CNNM2: variants seen among roughly 807,000 people sequenced by gnomAD.
CNNM2 encodes the protein metal transporter CNNM2.
Under a neutral mutation model 66.9 loss-of-function variants are expected in CNNM2, and 12 were observed. The observed-to-expected ratio is 0.18, with a 90% CI of 0.11 to 0.29. The LOEUF is 0.29. Ranked by LOEUF, CNNM2 falls within the 10% of genes least tolerant of loss-of-function variation. CNNM2 has a pLI of 1.00. For missense variants in CNNM2, 705 were observed against 1,167.7 expected (o/e 0.60, Z 5.77); for synonymous variants, 557 against 501.8 (o/e 1.11, Z -1.47).
chr10:103,070,896 C>T (rs1437396563), intron 5 of CNNM2, among the ~76,000 whole-genome samples: 3 of 152,152 alleles, frequency 2.0e-5, no homozygotes, highest in Non-Finnish European at 4.4e-5. Context: ...CGCCACTGTA[C>T]TCCAGCCCAG....
chr10:103,015,967 A>G (rs1255089272), intron 1 of CNNM2, among the ~76,000 whole-genome samples: 2 of 152,154 alleles, frequency 1.3e-5, no homozygotes, highest in Non-Finnish European at 2.9e-5. Flanking sequence ...TTTAATCTCT[A>G]CTTGCCCCCT....
At chr10:102,969,297 T>G (rs1045735171) in intron 1 of CNNM2, among the ~76,000 whole-genome samples, 14 of 152,044 alleles carry the variant, frequency 9.2e-5, no homozygotes, top group African/African-American at 2.9e-4. Context: ...CACTGAAATC[T>G]CCGCCTCTGG....
Position 103,077,564 on chromosome 10 carries a change from G to A in CNNM2, c.*384G>A. ...ATGTTTTTAAAGTGTCTTTTGCAGA[G>A]TTTTAAGTTGTTCTGTCTGAACTCT... On this transcript the variant is annotated 3_prime_UTR_variant, in exon 8 of 8. Coordinates refer to ENST00000369878, the MANE Select transcript of CNNM2 (RefSeq NM_017649.5). The A allele has an allele frequency of 4.4e-6, 1 of 226,276 alleles. No individual in the cohort carries two copies. Among genetic ancestry groups the A allele is most frequent in the South Asian group, 7.3e-5 (1 of 13,678 alleles). The allele number at this position is 226,276 out of a possible 1,614,324, so 14.0% of individuals were successfully genotyped here. A position where few individuals can be genotyped will look rare whatever the true frequency, so the allele number is the denominator to read the frequency against.
chr10:103,012,101 C>T (rs2064354711), intron 1 of CNNM2, among the ~76,000 whole-genome samples: 1 of 152,152 alleles, frequency 6.6e-6, no homozygotes, highest in Non-Finnish European at 1.5e-5. Context: ...GTATATCCTT[C>T]CAGAAATACA....
At chr10:103,030,690 A>C (rs984666546) in intron 1 of CNNM2, among the ~76,000 whole-genome samples, 2 of 152,218 alleles carry the variant, frequency 1.3e-5, no homozygotes, top group Non-Finnish European at 2.9e-5. Flanking sequence ...CCTGGGCAAC[A>C]GAGTGAGGCT....
At chr10:103,011,882 G>A (rs879851929) in intron 1 of CNNM2, among the ~76,000 whole-genome samples, 1 of 151,618 alleles carries the variant, frequency 6.6e-6, no homozygotes, top group Non-Finnish European at 1.5e-5. Context: ...TAGTAGAGAC[G>A]GGGTTTCACC....
chr10:102,988,144 C>CA (rs1244825794), intron 1 of CNNM2, among the ~76,000 whole-genome samples: 2 of 151,742 alleles, frequency 1.3e-5, no homozygotes, highest in South Asian at 2.1e-4. Context: ...ATTAAAAATA[C>CA]AAAAAAACTT....
chr10:103,016,443 G>A (rs1220700376), intron 1 of CNNM2, among the ~76,000 whole-genome samples: 2 of 152,130 alleles, frequency 1.3e-5, no homozygotes, highest in Non-Finnish European at 2.9e-5. Context: ...TAGGCACAGA[G>A]GAGACGGCAG....
chr10:103,082,844 G>A lies in CNNM2; in HGVS notation c.*5664G>A, dbSNP rs1319201228. 6.6e-6 allele frequency: 1 copy of A among 152,256 alleles called. No homozygotes were observed. The highest frequency in any genetic ancestry group is 1.9e-4 in the East Asian group (1 of 5,198). 9.4% of individuals were successfully genotyped at this position (152,256 alleles called of 1,614,324 possible). Reference sequence around the variant, plus strand: ...GAAATATTTCCAAGGTGGTTTCTTGGTGACAGGCTCTCTTCCCCTATGTAG... The same window carrying A: ...GAAATATTTCCAAGGTGGTTTCTTGATGACAGGCTCTCTTCCCCTATGTAG... On this transcript the variant is annotated 3_prime_UTR_variant, in exon 8 of 8. Coordinates refer to ENST00000369878, the MANE Select transcript of CNNM2 (RefSeq NM_017649.5).
intron 1 of CNNM2, among the ~76,000 whole-genome samples, chr10:103,003,016 T>G (rs2064151876): frequency 6.6e-6 from 1 of 152,178 alleles, no homozygotes; most frequent in Admixed American, 6.5e-5. Context: ...TGTTCATCAT[T>G]TGGTAAATGG....
At chr10:102,932,658 C>T (rs967472698) in intron 1 of CNNM2, among the ~76,000 whole-genome samples, 2 of 152,132 alleles carry the variant, frequency 1.3e-5, no homozygotes, top group Admixed American at 6.6e-5. Flanking sequence ...TGGCTCACGC[C>T]TGTAATCCCG....
intron 1 of CNNM2, among the ~76,000 whole-genome samples, chr10:103,005,284 G>T (rs1291709834): frequency 6.6e-6 from 1 of 152,092 alleles, no homozygotes; most frequent in African/African-American, 2.4e-5. Context: ...TTAAGTATAT[G>T]ATTCGTTGAT....
intron 5 of CNNM2, among the ~76,000 whole-genome samples, chr10:103,069,971 C>T (rs886854791): frequency 3.7e-4 from 57 of 152,220 alleles, no homozygotes; most frequent in Non-Finnish European, 1.5e-4. Flanking sequence ...ACTGCTCCAC[C>T]CAGTAGTCTG....
intron 1 of CNNM2, among the ~76,000 whole-genome samples, chr10:102,923,326 G>C (rs1446865547): frequency 6.6e-6 from 1 of 152,180 alleles, no homozygotes; most frequent in Non-Finnish European, 1.5e-5. Context: ...ACAGGGGCTG[G>C]GGCTTTATAT....
At chr10:103,012,939 TAGAA>T (rs2064373728) in intron 1 of CNNM2, among the ~76,000 whole-genome samples, 2 of 152,286 alleles carry the variant, frequency 1.3e-5, no homozygotes, top group South Asian at 2.1e-4. Context: ...GCTTCAAACA[TAGAA>T]AGAAGTACCA....
chr10:103,089,918 AAAAAGCT>A lies in CNNM2; in HGVS notation c.*12740_*12746del, dbSNP rs1401409986. 6.4e-7 allele frequency: 1 copy of A among 1,574,246 alleles called. No homozygotes were observed. The highest frequency in any genetic ancestry group is 1.9e-5 in the Admixed American group (1 of 53,948). ...TTGATTCATGAGGCATCTAGACAGAAAAAAGCTAGAGGCTCAGAAAGCAGGCAGAGCA... is the reference window on the plus strand; with the variant it reads ...TTGATTCATGAGGCATCTAGACAGAAAGAGGCTCAGAAAGCAGGCAGAGCA... On this transcript the variant is annotated 3_prime_UTR_variant, in exon 8 of 8. Transcript: ENST00000369878.
Position 102,960,066 on chromosome 10 carries a change from T to A in CNNM2, c.1621+39965T>A, listed in dbSNP as rs140818007. On this transcript the variant is annotated intron_variant, in intron 1 of 7. Coordinates refer to ENST00000369878, the MANE Select transcript of CNNM2 (RefSeq NM_017649.5). ...GACTCTGTCTCAAAAAAATAAAAAA[T>A]AAATAAATAAATAAATAAATAAAAT... Among the ~76,000 whole-genome samples the A allele has an allele frequency of 1.6e-3, 241 of 150,910 alleles. 1 individual carries two copies. The highest frequency in any genetic ancestry group is 5.2e-3 in the African/African-American group (215 of 41,038).
intron 1 of CNNM2, among the ~76,000 whole-genome samples, chr10:102,958,995 T>C (rs1165604349): frequency 6.6e-6 from 1 of 152,148 alleles, no homozygotes; most frequent in East Asian, 1.9e-4. Flanking sequence ...TCACCCAGGC[T>C]GGAGTTAAGT....
intron 1 of CNNM2, among the ~76,000 whole-genome samples, chr10:102,976,925 A>G (rs949173562): frequency 6.6e-6 from 1 of 152,054 alleles, no homozygotes; most frequent in African/African-American, 2.4e-5. Context: ...CATTTATGCT[A>G]CTTCCTTGTT....
Sources: allele counts gnomAD v4.1 joint callset (sites outside exome capture counted in the v4.1 genomes callset), GRCh38; gene constraint gnomAD v4.1.1; transcripts MANE v1.5; gene names NCBI Gene and HGNC (gene_info 2026-07-23, HGNC 2026-07-21).